The following ABTB3 variants were observed in gnomAD, a reference collection of about 807,000 sequenced individuals.
The protein encoded by ABTB3 is ankyrin repeat- and BTB/POZ domain-containing protein 3.
At chr12:107,555,573 GA>G in the ABTB3 span, among the ~76,000 whole-genome samples, 1 of 151,886 alleles carries the variant, frequency 6.6e-6, no homozygotes, top group Admixed American at 6.6e-5. Context: ...TGGGAAAACG[GA>G]AAAAAAATCT....
At chr12:107,511,187 G>T in the ABTB3 span, among the ~76,000 whole-genome samples, 1 of 152,156 alleles carries the variant, frequency 6.6e-6, no homozygotes, top group Non-Finnish European at 1.5e-5. Context: ...ATTGGCAGTC[G>T]GGAATTGCCT....
the ABTB3 span, among the ~76,000 whole-genome samples, chr12:107,506,390 A>T: frequency 9.2e-5 from 14 of 152,296 alleles, no homozygotes; most frequent in East Asian, 2.5e-3. Context: ...CTGGGAAAAC[A>T]TGTGTGCATG....
the ABTB3 span, among the ~76,000 whole-genome samples, chr12:107,346,501 C>T: frequency 2.0e-5 from 3 of 152,006 alleles, no homozygotes; most frequent in Admixed American, 6.6e-5. Flanking sequence ...GCTCTGTGAC[C>T]GAGGCTGGAG....
the ABTB3 span, among the ~76,000 whole-genome samples, chr12:107,535,785 T>C: frequency 6.6e-6 from 1 of 152,158 alleles, no homozygotes; most frequent in Non-Finnish European, 1.5e-5. Context: ...AGACATTCCA[T>C]GCTTATGGAT....
the ABTB3 span, among the ~76,000 whole-genome samples, chr12:107,453,750 A>G: frequency 6.6e-6 from 1 of 152,246 alleles, no homozygotes; most frequent in African/African-American, 2.4e-5. Flanking sequence ...AGCAGTGAAG[A>G]GGCTGTTGGA....
At chr12:107,392,407 G>A in the ABTB3 span, among the ~76,000 whole-genome samples, 2 of 152,008 alleles carry the variant, frequency 1.3e-5, no homozygotes, top group African/African-American at 4.8e-5. Flanking sequence ...CCTTACCATG[G>A]CCCACTAGAC....
the ABTB3 span, among the ~76,000 whole-genome samples, chr12:107,619,137 G>T: frequency 6.6e-6 from 1 of 152,194 alleles, no homozygotes; most frequent in East Asian, 1.9e-4. Context: ...TTCTGGAAAT[G>T]ACCTCTCTCC....
At chr12:107,592,562 A>C in the ABTB3 span, among the ~76,000 whole-genome samples, 1 of 152,252 alleles carries the variant, frequency 6.6e-6, no homozygotes, top group Non-Finnish European at 1.5e-5. Flanking sequence ...ACGAAAATAA[A>C]TGAACTAGAT....
the ABTB3 span, among the ~76,000 whole-genome samples, chr12:107,427,534 C>T: frequency 6.6e-6 from 1 of 152,170 alleles, no homozygotes; most frequent in Admixed American, 6.5e-5. Flanking sequence ...GTGTGAGCCA[C>T]GGTGCCTGGC....
the ABTB3 span, chr12:107,649,318 T>G: frequency 6.4e-7 from 1 of 1,552,188 alleles, no homozygotes; most frequent in Non-Finnish European, 8.9e-7. Flanking sequence ...GTCCCTTGGG[T>G]GAGTGGCACT....
the ABTB3 span, among the ~76,000 whole-genome samples, chr12:107,324,960 A>C: frequency 4.6e-5 from 7 of 152,242 alleles, no homozygotes; most frequent in Admixed American, 1.3e-4. Context: ...AAAACAAAAG[A>C]AGATGTATTT....
the ABTB3 span, among the ~76,000 whole-genome samples, chr12:107,440,570 T>G: frequency 6.6e-6 from 1 of 152,218 alleles, no homozygotes; most frequent in Admixed American, 6.5e-5. Context: ...GTTGTTTGTT[T>G]GTTCACGCGT....
the ABTB3 span, among the ~76,000 whole-genome samples, chr12:107,322,615 G>A: frequency 6.6e-6 from 1 of 152,102 alleles, no homozygotes; most frequent in Non-Finnish European, 1.5e-5. Flanking sequence ...ACTTATTACA[G>A]TTGCCGAATT....
chr12:107,478,851 G>A, the ABTB3 span, among the ~76,000 whole-genome samples: 2 of 151,998 alleles, frequency 1.3e-5, no homozygotes, highest in African/African-American at 4.8e-5. Context: ...CCTCAAAATG[G>A]CCCTCAGTCC....
At chr12:107,493,577 GA>G in the ABTB3 span, among the ~76,000 whole-genome samples, 2 of 152,156 alleles carry the variant, frequency 1.3e-5, no homozygotes, top group African/African-American at 4.8e-5. Flanking sequence ...GCTATTGTTT[GA>G]ATTGTGTACC....
the ABTB3 span, among the ~76,000 whole-genome samples, chr12:107,511,955 G>A: frequency 6.6e-6 from 1 of 152,114 alleles, no homozygotes; most frequent in Admixed American, 6.5e-5. Flanking sequence ...ACTCTGGTCA[G>A]CCTAGGGGTT....
chr12:107,506,129 A>G, the ABTB3 span, among the ~76,000 whole-genome samples: 1 of 152,200 alleles, frequency 6.6e-6, no homozygotes, highest in Non-Finnish European at 1.5e-5. Flanking sequence ...CAATGATTGA[A>G]CTAATTTACA....
the ABTB3 span, among the ~76,000 whole-genome samples, chr12:107,499,484 G>A: frequency 2.6e-5 from 4 of 151,896 alleles, no homozygotes; most frequent in Non-Finnish European, 5.9e-5. Flanking sequence ...ATTAACTCAC[G>A]AATTTGCCCT....
At chr12:107,580,705 C>T in the ABTB3 span, 2 of 909,418 alleles carry the variant, frequency 2.2e-6, no homozygotes, top group Non-Finnish European at 3.1e-6. Context: ...GGAGTGCTAG[C>T]GGACACCTTA....
Sources: gnomAD v4.1 joint callset for allele counts (sites outside exome capture counted in the v4.1 genomes callset) on GRCh38, gnomAD v4.1.1 for gene constraint, MANE v1.5 for transcripts, NCBI Gene and HGNC (gene_info 2026-07-23, HGNC 2026-07-21) for gene names.